Variants in TJP3 observed in about 807,000 individuals in gnomAD.
TJP3 encodes tight junction protein 3.
Under a neutral mutation model 104.2 loss-of-function variants are expected in TJP3, and 85 were observed. The observed-to-expected ratio is 0.82, with a 90% CI of 0.68 to 0.98. TJP3 has a LOEUF of 0.98. Ranked by LOEUF, TJP3 falls within the 50% of genes least tolerant of loss-of-function variation. The pLI is 0.00. For missense variants in TJP3, 1,367 were observed against 1,322.8 expected, an observed-to-expected ratio of 1.03 and a Z score of -0.52; for synonymous variants, 550 against 550.6, an observed-to-expected ratio of 1.00 and a Z score of 0.02.
rs752832500 is a variant in TJP3 at position 3,739,051 on chromosome 19, C to G, written c.1548C>G (p.His516Gln). The G allele has an allele frequency of 7.5e-6, 12 of 1,609,668 alleles. No individual in the cohort carries two copies. Among genetic ancestry groups the G allele is most frequent in the Non-Finnish European group, 9.3e-6 (11 of 1,177,886 alleles). Residue 516 changes from histidine to glutamine, a missense_variant, in exon 13 of 21, where the codon CAC (histidine) becomes CAG (glutamine). Transcript: ENST00000541714. ...TGCACCCCGGCCCCGGGCAGAGCCA[C>G]GCACGAGGAGGCCACTGGCTGGCGG... ...DTLHPGPGQSHARGGHWLAVR... is the reference protein window; with the variant it reads ...DTLHPGPGQSQARGGHWLAVR...
chr19:3,747,982 C>T lies in TJP3; in HGVS notation c.2511C>T (p.Pro837=). The T allele has an allele frequency of 6.8e-6, 11 of 1,612,232 alleles. No individual in the cohort carries two copies. Among genetic ancestry groups the T allele is most frequent in the Non-Finnish European group, 9.3e-6 (11 of 1,179,586 alleles). Residue 837 remains proline (P), a synonymous_variant, in exon 19 of 21, where the codon CCC becomes CCT. Transcript: ENST00000541714. ...GGPYTDVDDE[P]PAPALARSSE... is the part of the protein sequence containing the mutation. ...CCTACACGGATGTGGATGATGAGCC[C>T]CCGGCTCCAGCCCTGGCCCGGTCCT...
rs1479706555 is a variant in TJP3, at chr19:3,738,595, C to T, written c.1325C>T (p.Ala442Val). 1 of 1,613,952 alleles carries T rather than the reference C, an allele frequency of 6.2e-7. No individual in the cohort carries two copies. The highest frequency in any genetic ancestry group is 8.5e-7 in the Non-Finnish European group (1 of 1,179,970). Residue 442 changes from alanine to valine, a missense_variant, in exon 12 of 21, where the codon GCA becomes GTA. Physicochemically the swap from Ala to Val is moderately conservative, Grantham distance 64 (BLOSUM62 0). Coordinates refer to ENST00000541714, the MANE Select transcript of TJP3 (RefSeq NM_001267560.2). ...VPFQNLTREE[A>V]VQFLLGLPPG... ...TTCCAGAACCTGACACGGGAGGAGG[C>T]AGTGCAGTTCCTGCTGGGGCTGCCA...
chr19:3,731,536 G>A (rs1182550463), intron 5 of TJP3, among the ~76,000 whole-genome samples: 2 of 152,156 alleles, frequency 1.3e-5, no homozygotes, highest in African/African-American at 4.8e-5. Context: ...GGGAGGCTGA[G>A]GCACGAGAAT....
intron 1 of TJP3, among the ~76,000 whole-genome samples, chr19:3,717,395 CA>C (rs1437729892): frequency 7.2e-6 from 1 of 139,022 alleles, no homozygotes; most frequent in Non-Finnish European, 1.6e-5. Flanking sequence ...CCACTGTGCC[CA>C]GCCATAGCTT....
At chr19:3,742,169 C>T (rs1183026394) in intron 14 of TJP3, among the ~76,000 whole-genome samples, 1 of 152,098 alleles carries the variant, frequency 6.6e-6, no homozygotes, top group Non-Finnish European at 1.5e-5. Context: ...CGTGGTGGCT[C>T]ACGCTTGTAA....
At chr19:3,747,723 T>C (rs2036918382) in intron 18 of TJP3, 71 bp from the exon 19 acceptor site, 5 of 1,450,194 alleles carry the variant, frequency 3.4e-6, no homozygotes, top group Non-Finnish European at 1.8e-6. Context: ...AGTTTGAAGG[T>C]GGGGGGATGT....
At chr19:3,742,620 T>G (rs1003016598) in intron 14 of TJP3, among the ~76,000 whole-genome samples, 2 of 34,324 alleles carry the variant, frequency 5.8e-5, no homozygotes, top group Non-Finnish European at 1.3e-4. Flanking sequence ...ATCGCGCTGC[T>G]CCAACATCCA....
At position 3,735,684 on chromosome 19, in the gene TJP3, C is replaced by T. The variant is rs780145900; in HGVS notation, c.1060+45C>T. 9 of 1,611,348 alleles carry T rather than the reference C, an allele frequency of 5.6e-6. No homozygotes were observed. In the South Asian group the frequency reaches 9.9e-5, roughly 18 times the overall value. Reference sequence around the variant, plus strand: ...ACCCCTGTCCCTGACATTTCTGATCCCTGACAGCAAGGCTGTGCCAGGCAG... The same window carrying T: ...ACCCCTGTCCCTGACATTTCTGATCTCTGACAGCAAGGCTGTGCCAGGCAG... On this transcript the variant is annotated intron_variant, in intron 9 of 20. Coordinates refer to ENST00000541714, the MANE Select transcript of TJP3 (RefSeq NM_001267560.2).
At chr19:3,742,261 C>T (rs1191029617) in intron 14 of TJP3, among the ~76,000 whole-genome samples, 1 of 151,906 alleles carries the variant, frequency 6.6e-6, no homozygotes, top group Non-Finnish European at 1.5e-5. Context: ...AAGTGAGACT[C>T]TGTCTCTACA....
intron 14 of TJP3, chr19:3,743,669 A>C: frequency 1.1e-5 from 4 of 355,202 alleles, no homozygotes; most frequent in East Asian, 5.2e-5. Flanking sequence ...AAGAAAGGGA[A>C]TGAAGGCAGG....
chr19:3,735,750 G>A, intron 9 of TJP3, 111 bp downstream of exon 9: 1 of 1,585,230 alleles, frequency 6.3e-7, no homozygotes, highest in South Asian at 1.1e-5. Context: ...GTGAGACATG[G>A]TTTCCTGAGA....
At chr19:3,748,883 G>C (rs1244215021) in intron 19 of TJP3, among the ~76,000 whole-genome samples, 1 of 82,736 alleles carries the variant, frequency 1.2e-5, no homozygotes, top group East Asian at 4.6e-4. Context: ...TTTTGAGTTA[G>C]AGTCTCGCTC....
At chr19:3,718,255 GTC>G (rs1249054347) in intron 1 of TJP3, among the ~76,000 whole-genome samples, 815 of 49,312 alleles carry the variant, frequency 0.017, 25 homozygotes, top group Admixed American at 0.035. Context: ...GTGTGTGTGT[GTC>G]TGTGTGTGTG....
intron 15 of TJP3, 53 bp from the exon 16 acceptor site, chr19:3,745,958 G>C: frequency 6.7e-7 from 1 of 1,482,180 alleles, no homozygotes; most frequent in East Asian, 2.4e-5. Context: ...GCATGAATTT[G>C]AGGGGACGGG....
At position 3,730,795 on chromosome 19, in the gene TJP3, C is replaced by G; in HGVS notation, c.613+89C>G. The G allele has an allele frequency of 7.2e-7, 1 of 1,388,458 alleles. No individual in the cohort carries two copies. Among genetic ancestry groups the G allele is most frequent in the Non-Finnish European group, 9.6e-7 (1 of 1,042,872 alleles). 86.0% of individuals were successfully genotyped at this position (1,388,458 alleles called of 1,614,324 possible). A position where few individuals can be genotyped will look rare whatever the true frequency, so the allele number is the denominator to read the frequency against. Reference sequence around the variant, plus strand: ...CGACGGTTTCAAGTGATTCTCCTGCCTCAGCCTCCCTGGTGGCTGGGACTC... The same window carrying G: ...CGACGGTTTCAAGTGATTCTCCTGCGTCAGCCTCCCTGGTGGCTGGGACTC... On this transcript the variant is annotated intron_variant, in intron 5 of 20. Transcript: ENST00000541714. The surrounding 1 kb of genome is among the most constrained non-coding windows in gnomAD (Gnocchi z 7.3).
chr19:3,746,335 G>C lies in TJP3; in HGVS notation c.2011-150G>C. 1 of 875,612 alleles carries C rather than the reference G, an allele frequency of 1.1e-6. No homozygotes were observed. The highest frequency in any genetic ancestry group is 1.7e-6 in the Non-Finnish European group (1 of 575,296). 54.2% of individuals were successfully genotyped at this position (875,612 alleles called of 1,614,324 possible). ...TGATGCCCAAGATGCTGCGACCTGG[G>C]CTGTTACCACCCCCATCCCCAACTT... On this transcript the variant is annotated intron_variant, in intron 16 of 20. Transcript: ENST00000541714. This position sits in a 1 kb window ranked among gnomAD's most constrained non-coding sequence, Gnocchi z 4.1.
chr19:3,709,421 G>T (rs923056325), intron 1 of TJP3, among the ~76,000 whole-genome samples: 1 of 152,102 alleles, frequency 6.6e-6, no homozygotes, highest in Admixed American at 6.6e-5. Context: ...TTACTCCTCC[G>T]AGCAAAATCT....
chr19:3,744,018 C>T lies in TJP3; in HGVS notation c.1923C>T (p.Asp641=), dbSNP rs778385466. 2 of 1,614,036 alleles carry T rather than the reference C, an allele frequency of 1.2e-6. No homozygotes were observed. The highest frequency in any genetic ancestry group is 1.7e-6 in the Non-Finnish European group (2 of 1,179,974). Residue 641 remains aspartate, a synonymous_variant, in exon 15 of 21, where the codon GAC becomes GAT. Transcript: ENST00000541714. The part of the protein sequence containing the change: ...AMQKLTAEMP[D]QFEIAETVSR... ...AGAAGTTGACTGCTGAGATGCCTGA[C>T]CAGTTTGAAATCGCAGGTGAGAAGC...
At chr19:3,709,028 T>C (rs1328874691) in intron 1 of TJP3, among the ~76,000 whole-genome samples, 1 of 152,076 alleles carries the variant, frequency 6.6e-6, no homozygotes, top group East Asian at 1.9e-4. Context: ...TTGAAACAAC[T>C]GCGTCTCCCG....
Sources: allele counts gnomAD v4.1 joint callset (sites outside exome capture counted in the v4.1 genomes callset), GRCh38; gene constraint gnomAD v4.1.1; non-coding constraint Gnocchi (gnomAD v3.1); transcripts MANE v1.5; gene names NCBI Gene and HGNC (gene_info 2026-07-23, HGNC 2026-07-21).